The following CADPS2 variants were observed in gnomAD, a reference collection of about 807,000 sequenced individuals.
CADPS2 encodes calcium dependent secretion activator 2.
CADPS2 carries 93 observed loss-of-function variants against 172.5 expected under a neutral mutation model. The ratio of observed to expected loss-of-function variants is 0.54; its 90% CI spans 0.46 to 0.64. CADPS2 has a LOEUF of 0.64. CADPS2 is among the 30% of genes least tolerant of loss of function. CADPS2 has a pLI of 0.00. For missense variants in CADPS2, 1,420 were observed against 1,565.9 expected, an observed-to-expected ratio of 0.91 and a Z score of 1.57; for synonymous variants, 546 against 555.2, an observed-to-expected ratio of 0.98 and a Z score of 0.23.
chr7:122,621,827 A>C, intron 4 of CADPS2, 110 bp from the exon 5 acceptor site: 1 of 672,410 alleles, frequency 1.5e-6, no homozygotes, highest in East Asian at 2.7e-5. Flanking sequence ...CAACACTCTC[A>C]ATATATCTAT....
intron 6 of CADPS2, among the ~76,000 whole-genome samples, chr7:122,613,694 G>A (rs189143900): frequency 2.2e-4 from 33 of 151,080 alleles, no homozygotes; most frequent in African/African-American, 7.8e-4. Context: ...TTTTTCTTGA[G>A]ATGATGAGCA....
intron 1 of CADPS2, among the ~76,000 whole-genome samples, chr7:122,875,127 G>A (rs139733108): frequency 2.1e-4 from 32 of 152,298 alleles, no homozygotes; most frequent in African/African-American, 7.5e-4. Flanking sequence ...GTATACGTTT[G>A]CAGATGTGTA....
intron 7 of CADPS2, among the ~76,000 whole-genome samples, chr7:122,557,559 C>T (rs1459977502): frequency 6.6e-6 from 1 of 152,162 alleles, no homozygotes; most frequent in Non-Finnish European, 1.5e-5. Flanking sequence ...ATGTCGTAGG[C>T]AGTTACCATG....
chr7:122,617,816 G>A (rs1225410514), intron 5 of CADPS2, among the ~76,000 whole-genome samples: 2 of 152,130 alleles, frequency 1.3e-5, no homozygotes, highest in African/African-American at 4.8e-5. Context: ...GGCCAAGGCG[G>A]GCATATCATG....
At chr7:122,790,764 C>T (rs1795126414) in intron 1 of CADPS2, among the ~76,000 whole-genome samples, 1 of 152,130 alleles carries the variant, frequency 6.6e-6, no homozygotes, top group African/African-American at 2.4e-5. Context: ...CTTAAAGATA[C>T]TGCAATGCAT....
chr7:122,456,949 T>C lies in CADPS2; in HGVS notation c.2187-5474A>G, dbSNP rs151083402. On this transcript the variant is annotated intron_variant, in intron 14 of 29. Coordinates refer to ENST00000449022, the MANE Select transcript of CADPS2 (RefSeq NM_017954.11). ...TCTAAAACAAACGCAAAAACTCTTT[T>C]ATATACATTGAACATCCCGTCATGA... 4.1e-3 allele frequency among the ~76,000 whole-genome samples: 624 copies of C among 152,354 alleles called. 7 individuals carry two copies. Among genetic ancestry groups the C allele is most frequent in the African/African-American group, 0.014 (585 of 41,572 alleles).
At chr7:122,872,693 T>C (rs1038866666) in intron 1 of CADPS2, among the ~76,000 whole-genome samples, 8 of 152,108 alleles carry the variant, frequency 5.3e-5, no homozygotes, top group Admixed American at 5.2e-4. Context: ...TCTCATCTCT[T>C]TAAATAAAAT....
At chr7:122,393,657 C>T in intron 20 of CADPS2, 75 bp from the exon 21 acceptor site, 1 of 1,518,890 alleles carries the variant, frequency 6.6e-7, no homozygotes, top group East Asian at 2.3e-5. Flanking sequence ...GCCAAAAAAA[C>T]ACGTTTTCTG....
intron 1 of CADPS2, among the ~76,000 whole-genome samples, chr7:122,785,455 C>G (rs755063605): frequency 6.6e-6 from 1 of 152,098 alleles, no homozygotes; most frequent in Non-Finnish European, 1.5e-5. Flanking sequence ...ATAAGAGTCT[C>G]TGGAGGAGGT....
intron 2 of CADPS2, among the ~76,000 whole-genome samples, chr7:122,688,554 T>C (rs543193392): frequency 6.6e-6 from 1 of 152,218 alleles, no homozygotes; most frequent in African/African-American, 2.4e-5. Context: ...TCTCTTAGAG[T>C]GTCCGCTCTG....
intron 3 of CADPS2, among the ~76,000 whole-genome samples, chr7:122,632,561 T>C (rs2076676784): frequency 6.6e-6 from 1 of 152,120 alleles, no homozygotes; most frequent in Non-Finnish European, 1.5e-5. Flanking sequence ...TTGATTTTGC[T>C]TGATTTAAGT....
chr7:122,871,249 C>T (rs1819671176), intron 1 of CADPS2, among the ~76,000 whole-genome samples: 1 of 151,754 alleles, frequency 6.6e-6, no homozygotes, highest in Non-Finnish European at 1.5e-5. Context: ...AGCATTTTCA[C>T]ATGTTGAGTT....
At chr7:122,754,234 T>C (rs2093066376) in intron 1 of CADPS2, among the ~76,000 whole-genome samples, 1 of 152,222 alleles carries the variant, frequency 6.6e-6, no homozygotes, top group African/African-American at 2.4e-5. Context: ...CCACTATTAC[T>C]AATTTTTCTT....
chr7:122,695,571 T>A (rs1320696950), intron 2 of CADPS2, among the ~76,000 whole-genome samples: 1 of 152,222 alleles, frequency 6.6e-6, no homozygotes, highest in Non-Finnish European at 1.5e-5. Flanking sequence ...CTATGTAAAG[T>A]GCTTAGTCCT....
At chr7:122,793,460 TTC>T (rs769840744) in intron 1 of CADPS2, among the ~76,000 whole-genome samples, 4 of 152,206 alleles carry the variant, frequency 2.6e-5, no homozygotes, top group Middle Eastern at 3.2e-3. Flanking sequence ...CCCTGCTTAT[TTC>T]TGTTTTCCAT....
chr7:122,351,988 TTAAGA>T (rs1458505251), intron 27 of CADPS2, among the ~76,000 whole-genome samples: 3 of 152,190 alleles, frequency 2.0e-5, no homozygotes, highest in Non-Finnish European at 4.4e-5. Context: ...GAATGATAGT[TTAAGA>T]TATTAGCCTG....
chr7:122,646,527 C>T (rs143899651), intron 3 of CADPS2, among the ~76,000 whole-genome samples: 37 of 152,020 alleles, frequency 2.4e-4, no homozygotes, highest in African/African-American at 8.0e-4. Context: ...AGTAGGAATT[C>T]CAAATGAAGA....
chr7:122,395,296 G>T (rs1475173145), intron 20 of CADPS2, among the ~76,000 whole-genome samples: 1 of 152,246 alleles, frequency 6.6e-6, no homozygotes, highest in Non-Finnish European at 1.5e-5. Context: ...AAATATAACA[G>T]ATTTTTTTTT....
intron 1 of CADPS2, among the ~76,000 whole-genome samples, chr7:122,813,549 T>C (rs1182556564): frequency 6.6e-6 from 1 of 152,122 alleles, no homozygotes; most frequent in Non-Finnish European, 1.5e-5. Flanking sequence ...CCTCACTTTT[T>C]TATGCTGAGT....
Sources: gnomAD v4.1 joint callset for allele counts (sites outside exome capture counted in the v4.1 genomes callset) on GRCh38, gnomAD v4.1.1 for gene constraint, MANE v1.5 for transcripts, NCBI Gene and HGNC (gene_info 2026-07-23, HGNC 2026-07-21) for gene names.